PIK3CB: variants seen among roughly 807,000 people sequenced by gnomAD.
PIK3CB encodes the protein phosphatidylinositol 4,5-bisphosphate 3-kinase catalytic subunit beta isoform.
A neutral mutation model predicts 136.8 loss-of-function variants in PIK3CB; 39 were observed. The ratio of observed to expected loss-of-function variants is 0.29; its 90% CI spans 0.22 to 0.37. PIK3CB has a LOEUF of 0.37. PIK3CB is among the 10% of genes least tolerant of loss of function. The probability of loss-of-function intolerance (pLI) is 1.00; values close to 1 mark genes in which losing one functional copy is unlikely to be tolerated. For missense variants in PIK3CB, 868 were observed against 1,275.4 expected, an observed-to-expected ratio of 0.68 and a Z score of 4.87; for synonymous variants, 428 against 436.6, an observed-to-expected ratio of 0.98 and a Z score of 0.25.
At chr3:138,772,783 C>CTTTTTTT (rs776881626) in intron 2 of PIK3CB, among the ~76,000 whole-genome samples, 4 of 112,216 alleles carry the variant, frequency 3.6e-5, no homozygotes, top group East Asian at 3.0e-4. Context: ...TATTTATTCT[C>CTTTTTTT]TTTTTTTTTT....
chr3:138,670,257 C>T (rs1383380804), intron 19 of PIK3CB, among the ~76,000 whole-genome samples: 1 of 152,110 alleles, frequency 6.6e-6, no homozygotes, highest in African/African-American at 2.4e-5. Context: ...ACTAAGAATG[C>T]CAGGAAACAG....
chr3:138,795,092 G>A (rs1431720882), intron 2 of PIK3CB, among the ~76,000 whole-genome samples: 2 of 152,084 alleles, frequency 1.3e-5, no homozygotes, highest in Admixed American at 1.3e-4. Flanking sequence ...GGCCGAGGCA[G>A]GCAGATCACC....
intron 19 of PIK3CB, among the ~76,000 whole-genome samples, chr3:138,676,700 T>C (rs2043651300): frequency 1.3e-5 from 2 of 151,486 alleles, no homozygotes; most frequent in Admixed American, 6.6e-5. Flanking sequence ...TGTTAAAACA[T>C]GAATACACTT....
intron 8 of PIK3CB, among the ~76,000 whole-genome samples, chr3:138,718,154 AGT>A (rs1038395809): frequency 2.0e-5 from 3 of 152,198 alleles, no homozygotes; most frequent in African/African-American, 7.2e-5. Flanking sequence ...TCCCACCAGC[AGT>A]GTGTATGTGT....
chr3:138,808,594 G>T (rs1015446539), intron 1 of PIK3CB, among the ~76,000 whole-genome samples: 5 of 151,836 alleles, frequency 3.3e-5, no homozygotes, highest in African/African-American at 1.2e-4. Flanking sequence ...GGTGGGGTGG[G>T]GGTCACTTGA....
At chr3:138,729,481 G>A (rs2044922578) in intron 8 of PIK3CB, among the ~76,000 whole-genome samples, 1 of 152,158 alleles carries the variant, frequency 6.6e-6, no homozygotes, top group Non-Finnish European at 1.5e-5. Flanking sequence ...CCTCCCTGAT[G>A]TAGGCTAGCC....
chr3:138,805,666 C>T (rs535731055), intron 1 of PIK3CB, among the ~76,000 whole-genome samples: 27 of 151,936 alleles, frequency 1.8e-4, no homozygotes, highest in East Asian at 1.4e-3. Flanking sequence ...AGCGAGACTC[C>T]GTCTCAAAAA....
intron 21 of PIK3CB, among the ~76,000 whole-genome samples, chr3:138,659,448 C>T (rs920217376): frequency 1.3e-5 from 2 of 151,264 alleles, no homozygotes; most frequent in African/African-American, 4.9e-5. Context: ...ACCCAGGAGG[C>T]GGAGGCTGCA....
chr3:138,693,071 T>C (rs1231516160), intron 14 of PIK3CB, among the ~76,000 whole-genome samples: 1 of 152,062 alleles, frequency 6.6e-6, no homozygotes, highest in Admixed American at 6.6e-5. Context: ...AAAAACCTGA[T>C]GTTGAATTTT....
intron 2 of PIK3CB, among the ~76,000 whole-genome samples, chr3:138,775,929 G>A (rs1231623437): frequency 6.6e-6 from 1 of 152,162 alleles, no homozygotes; most frequent in Non-Finnish European, 1.5e-5. Context: ...CAGCCGCGGT[G>A]GCTCACACCT....
intron 2 of PIK3CB, among the ~76,000 whole-genome samples, chr3:138,762,612 G>C (rs1356681740): frequency 6.6e-6 from 1 of 152,124 alleles, no homozygotes; most frequent in Non-Finnish European, 1.5e-5. Flanking sequence ...CAAGTAATAA[G>C]CATTCAATAA....
At chr3:138,809,075 A>G (rs1368446749) in intron 1 of PIK3CB, among the ~76,000 whole-genome samples, 1 of 151,848 alleles carries the variant, frequency 6.6e-6, no homozygotes, top group African/African-American at 2.4e-5. Context: ...GGAGTTCAAG[A>G]TCATCCTGGC....
chr3:138,754,599 C>G (rs1027563443), intron 4 of PIK3CB, among the ~76,000 whole-genome samples: 2 of 152,038 alleles, frequency 1.3e-5, no homozygotes, highest in Non-Finnish European at 2.9e-5. Context: ...AACTTGTTAA[C>G]TGGGAAAAAT....
chr3:138,787,381 A>G (rs1164923114), intron 2 of PIK3CB, among the ~76,000 whole-genome samples: 2 of 151,562 alleles, frequency 1.3e-5, no homozygotes, highest in African/African-American at 2.4e-5. Flanking sequence ...AAAAAAAAAA[A>G]GAAGCTCCTA....
intron 1 of PIK3CB, among the ~76,000 whole-genome samples, chr3:138,806,255 G>A (rs1023718580): frequency 3.9e-4 from 60 of 152,222 alleles, no homozygotes; most frequent in African/African-American, 1.1e-3. Context: ...GGAGGCCAAG[G>A]GAGGCAGATC....
chr3:138,704,577 C>G, intron 11 of PIK3CB, 84 bp from the exon 12 acceptor site: 1 of 866,034 alleles, frequency 1.2e-6, no homozygotes, highest in East Asian at 2.4e-5. Context: ...TGTACTTAGA[C>G]TACATAAGAT....
At chr3:138,688,533 G>GGT (rs1161729968) in intron 16 of PIK3CB, among the ~76,000 whole-genome samples, 1 of 151,234 alleles carries the variant, frequency 6.6e-6, no homozygotes, top group African/African-American at 2.4e-5. Flanking sequence ...GGTGGGGCTG[G>GGT]GTGTGGTGGT....
chr3:138,788,737 C>A (rs1181341145), intron 2 of PIK3CB, among the ~76,000 whole-genome samples: 1 of 148,496 alleles, frequency 6.7e-6, no homozygotes, highest in African/African-American at 2.5e-5. Context: ...CCAAGGCGGG[C>A]GGATCACCTG....
chr3:138,810,535 TA>T (rs1171252104), intron 1 of PIK3CB, among the ~76,000 whole-genome samples: 298 of 143,462 alleles, frequency 2.1e-3, no homozygotes, highest in Middle Eastern at 3.6e-3. Context: ...GTCTAATCAT[TA>T]AAAAAAAAAA....
Sources: gnomAD v4.1 joint callset for allele counts (sites outside exome capture counted in the v4.1 genomes callset) on GRCh38, gnomAD v4.1.1 for gene constraint, MANE v1.5 for transcripts, NCBI Gene and HGNC (gene_info 2026-07-23, HGNC 2026-07-21) for gene names.